The following SLC18A1 variants were observed in gnomAD, a reference collection of about 807,000 sequenced individuals.
The protein encoded by SLC18A1 is chromaffin granule amine transporter.
In SLC18A1, 69 loss-of-function variants were observed where a neutral mutation model predicts 53.7. The ratio of observed to expected loss-of-function variants is 1.28; its 90% CI spans 1.06 to 1.57. SLC18A1 has a LOEUF of 1.57. Among genes scored for constraint, SLC18A1 ranks in the 40% most tolerant of loss-of-function variants. The probability of loss-of-function intolerance (pLI) is 0.00; values close to 1 mark genes in which losing one functional copy is unlikely to be tolerated. For missense variants in SLC18A1, 932 were observed against 668.1 expected (o/e 1.40, Z -4.35); for synonymous variants, 320 against 248.1 (o/e 1.29, Z -2.72).
At chr8:20,149,192 CCTT>C (rs2071481831) in intron 12 of SLC18A1, among the ~76,000 whole-genome samples, 1 of 152,074 alleles carries the variant, frequency 6.6e-6, no homozygotes, top group Non-Finnish European at 1.5e-5. Context: ...ATGGAAAAGT[CCTT>C]CTTTCTTTCT....
chr8:20,148,758 C>T (rs1483804533), intron 12 of SLC18A1, among the ~76,000 whole-genome samples: 3 of 152,182 alleles, frequency 2.0e-5, no homozygotes, highest in East Asian at 1.9e-4. Context: ...TTTAGCATAC[C>T]GTTTAGATGC....
At chr8:20,147,967 C>T (rs1345750332) in intron 13 of SLC18A1, 40 bp downstream of exon 13, 1 of 1,603,830 alleles carries the variant, frequency 6.2e-7, no homozygotes, top group Non-Finnish European at 8.5e-7. Context: ...CCAAAGCCAA[C>T]ATGCAGGGGC....
Position 20,180,738 on chromosome 8 carries a change from G to T in SLC18A1, c.124+103C>A, listed in dbSNP as rs374561235. 82 of 1,456,532 alleles carry T rather than the reference G, an allele frequency of 5.6e-5. No individual in the cohort carries two copies. The South Asian group carries it at 1.0e-3, about 18-fold the overall frequency. 90.2% of individuals were successfully genotyped at this position (1,456,532 alleles called of 1,614,324 possible). A position where few individuals can be genotyped will look rare whatever the true frequency, so the allele number is the denominator to read the frequency against. ...CTCTGTGTGTTTTTGAGCATAAAAA[G>T]GAAAATTCTCAGATGGATTCACTGT... is the stretch of plus-strand genomic sequence containing the variant. On this transcript the variant is annotated intron_variant, in intron 2 of 15. Coordinates refer to ENST00000276373, the MANE Select transcript of SLC18A1 (RefSeq NM_003053.4).
At chr8:20,149,589 C>CTCTCTCT in intron 12 of SLC18A1, 87 bp downstream of exon 12, 2 of 790,170 alleles carry the variant, frequency 2.5e-6, no homozygotes, top group Admixed American at 2.7e-5. Flanking sequence ...TCTCTCTCTC[C>CTCTCTCT]CTCTCTCTCT....
chr8:20,169,200 C>A (rs2072048595), intron 8 of SLC18A1, among the ~76,000 whole-genome samples: 2 of 151,996 alleles, frequency 1.3e-5, no homozygotes, highest in Admixed American at 1.3e-4. Context: ...TTTAGGAATA[C>A]CCTATAGATA....
intron 5 of SLC18A1, among the ~76,000 whole-genome samples, chr8:20,173,895 CTTTTTT>C (rs72376505): frequency 7.4e-6 from 1 of 135,652 alleles, no homozygotes; most frequent in African/African-American, 2.9e-5. Flanking sequence ...TAATTCCTTT[CTTTTTT>C]TTTTTTTTTT....
chr8:20,154,962 G>C (rs900050519), intron 10 of SLC18A1, among the ~76,000 whole-genome samples: 1 of 152,106 alleles, frequency 6.6e-6, no homozygotes, highest in Non-Finnish European at 1.5e-5. Flanking sequence ...TGGGCTAAAA[G>C]CTTGCCATTG....
chr8:20,147,877 C>A, intron 13 of SLC18A1, 130 bp downstream of exon 13: 13 of 1,434,482 alleles, frequency 9.1e-6, no homozygotes, highest in East Asian at 2.4e-5. Context: ...CTCTCCACAA[C>A]CCTGCCAGCT....
chr8:20,170,816 C>T (rs192966429), intron 8 of SLC18A1, among the ~76,000 whole-genome samples: 4 of 147,326 alleles, frequency 2.7e-5, no homozygotes, highest in African/African-American at 7.5e-5. Context: ...TATATACATA[C>T]CCCATATATG....
intron 3 of SLC18A1, 126 bp downstream of exon 3, chr8:20,178,995 T>C (rs912943779): frequency 6.9e-6 from 8 of 1,160,610 alleles, no homozygotes; most frequent in South Asian, 1.6e-5. Context: ...GCTTTCCGAA[T>C]AGCTGACTCC....
In SLC18A1 at chr8:20,174,423, T is replaced by G; in HGVS notation, c.569A>C (p.Tyr190Ser). The change falls in exon 5 of 16, where the codon TAT becomes TCT. Residue 190 changes from tyrosine to serine, a missense_variant. Physicochemically the swap from Tyr to Ser is moderately radical, Grantham distance 144 (BLOSUM62 -2). Transcript: ENST00000276373. ...GGTTCGGGCCACAAAGAGTAGAGTATAGGTCCCAGAAAAAGCAAACACTGG... is the reference window on the plus strand; with the variant it reads ...GGTTCGGGCCACAAAGAGTAGAGTAGAGGTCCCAGAAAAAGCAAACACTGG... The part of the protein sequence containing the change: ...STVMFAFSGT[Y>S]TLLFVARTLQ... 1 of 1,613,834 alleles carries G rather than the reference T, an allele frequency of 6.2e-7. No individual in the cohort carries two copies. Among genetic ancestry groups the G allele is most frequent in the Non-Finnish European group, 8.5e-7 (1 of 1,179,820 alleles).
rs760213988 is a variant in SLC18A1 at position 20,181,000 on chromosome 8, G to A, written c.-36C>T. On this transcript the variant is annotated 5_prime_UTR_variant, in exon 2 of 16. Transcript: ENST00000276373. Reference sequence around the variant, plus strand: ...GGACTGGGGCAGTCTTCCCCTGCGGGCTCTTAGGGAAGGTCCTGTGACAGC... The same window carrying A: ...GGACTGGGGCAGTCTTCCCCTGCGGACTCTTAGGGAAGGTCCTGTGACAGC... 10 of 1,548,786 alleles carry A rather than the reference G, an allele frequency of 6.5e-6. No homozygotes were observed. The African/African-American group carries it at 1.4e-4, about 21-fold the overall frequency.
chr8:20,147,394 G>C lies in SLC18A1; in HGVS notation c.1331-3C>G. On this transcript the variant is annotated splice_polypyrimidine_tract_variant and splice_region_variant and intron_variant, in intron 14 of 15. Coordinates refer to ENST00000276373, the MANE Select transcript of SLC18A1 (RefSeq NM_003053.4). ...AATGGCACCACCGGTGGATGGACCT[G>C]GGAGGGATACATCAAAGTCATAAGT... 6.2e-7 allele frequency: 1 copy of C among 1,604,518 alleles called. No individual in the cohort carries two copies. Among genetic ancestry groups the C allele is most frequent in the Non-Finnish European group, 8.5e-7 (1 of 1,176,328 alleles).
chr8:20,145,795 C>G lies in SLC18A1; in HGVS notation c.1546G>C (p.Asp516His). The change falls in exon 16 of 16, where the codon GAC becomes CAC. Residue 516 changes from aspartate to histidine, a missense_variant. Asp to His is a moderately conservative substitution (Grantham distance 81). Transcript: ENST00000276373. Reference sequence around the variant, plus strand: ...TCATGGTCAGGCTCCTCATCACTGTCCTCCCCCAGAGGAAATTCCTTCGTG... The same window carrying G: ...TCATGGTCAGGCTCCTCATCACTGTGCTCCCCCAGAGGAAATTCCTTCGTG... ...KPTKEFPLGE[D>H]SDEEPDHEE is the part of the protein sequence containing the mutation. 6.2e-7 allele frequency: 1 copy of G among 1,611,910 alleles called. No homozygotes were observed. Among genetic ancestry groups the G allele is most frequent in the Non-Finnish European group, 8.5e-7 (1 of 1,179,000 alleles).
chr8:20,152,752 G>A (rs151217378), intron 10 of SLC18A1, among the ~76,000 whole-genome samples: 74 of 152,254 alleles, frequency 4.9e-4, no homozygotes, highest in African/African-American at 1.6e-3. Flanking sequence ...GAGCCTTGGG[G>A]GACTCCTATC....
rs568863782 is a variant in SLC18A1, at chr8:20,174,401, T to C, written c.591A>G (p.Arg197=). ...SGTYTLLFVA[R]TLQGIGSSFS... The stretch of plus-strand genomic sequence containing the variant: ...ATGAAGATCCAATGCCTTGAAGGGT[T>C]CGGGCCACAAAGAGTAGAGTATAGG... Residue 197 remains arginine (R), a synonymous_variant, in exon 5 of 16, where the codon CGA becomes CGG. Coordinates refer to ENST00000276373, the MANE Select transcript of SLC18A1 (RefSeq NM_003053.4). 1.5e-5 allele frequency: 25 copies of C among 1,614,042 alleles called. No homozygotes were observed. The Admixed American group carries it at 3.8e-4, about 25-fold the overall frequency.
chr8:20,174,466 A>G, intron 4 of SLC18A1, 22 bp from the exon 5 acceptor site: 1 of 1,577,696 alleles, frequency 6.3e-7, no homozygotes, highest in Non-Finnish European at 8.7e-7. Flanking sequence ...GAATAGCAAG[A>G]TAACTGCAGT....
At chr8:20,169,360 C>A (rs979176457) in intron 8 of SLC18A1, among the ~76,000 whole-genome samples, 2 of 151,880 alleles carry the variant, frequency 1.3e-5, no homozygotes, top group African/African-American at 2.4e-5. Flanking sequence ...AAGACATTAT[C>A]GGAATAATTG....
At chr8:20,157,821 G>T (rs935576469) in intron 10 of SLC18A1, among the ~76,000 whole-genome samples, 1 of 152,114 alleles carries the variant, frequency 6.6e-6, no homozygotes, top group African/African-American at 2.4e-5. Flanking sequence ...GAAAAAGAAG[G>T]CCACCCCTTT....
Sources: allele counts gnomAD v4.1 joint callset (sites outside exome capture counted in the v4.1 genomes callset), GRCh38; gene constraint gnomAD v4.1.1; transcripts MANE v1.5; gene names NCBI Gene and HGNC (gene_info 2026-07-23, HGNC 2026-07-21).